Variants in TMEM163 observed in about 807,000 individuals in gnomAD.
TMEM163 encodes the protein transmembrane protein 163.
Under a neutral mutation model 29.3 loss-of-function variants are expected in TMEM163, and 17 were observed. The ratio of observed to expected loss-of-function variants is 0.58; its 90% CI spans 0.40 to 0.87. The LOEUF (loss-of-function observed/expected upper bound fraction) is 0.87. Ranked by LOEUF, TMEM163 falls within the 40% of genes least tolerant of loss-of-function variation. TMEM163 has a pLI of 0.00. For synonymous variants in TMEM163, 157 were observed against 160.6 expected (o/e 0.98, Z 0.17); for missense variants, 303 against 381.5 (o/e 0.79, Z 1.71).
intron 4 of TMEM163, among the ~76,000 whole-genome samples, chr2:134,521,566 G>A (rs1680190070): frequency 6.6e-6 from 1 of 152,136 alleles, no homozygotes; most frequent in Admixed American, 6.5e-5. Flanking sequence ...TCATTTTAGG[G>A]TGTGCCTTTG....
intron 4 of TMEM163, among the ~76,000 whole-genome samples, chr2:134,539,862 A>G (rs1680627387): frequency 6.6e-6 from 1 of 152,204 alleles, no homozygotes; most frequent in Admixed American, 6.5e-5. Context: ...TGAGAAGGGA[A>G]GGAGCTTGCC....
At chr2:134,464,315 AC>A (rs1446831297) in intron 6 of TMEM163, among the ~76,000 whole-genome samples, 1 of 152,098 alleles carries the variant, frequency 6.6e-6, no homozygotes, top group Non-Finnish European at 1.5e-5. Context: ...TTCAGTGTGC[AC>A]CACATAGTCT....
At chr2:134,694,172 C>CT (rs1684532103) in intron 2 of TMEM163, among the ~76,000 whole-genome samples, 1 of 152,076 alleles carries the variant, frequency 6.6e-6, no homozygotes. Flanking sequence ...TATGTGCTTG[C>CT]TAAGTGTTAG....
intron 2 of TMEM163, among the ~76,000 whole-genome samples, chr2:134,708,128 C>G (rs1558999848): frequency 6.6e-6 from 1 of 152,152 alleles, no homozygotes; most frequent in African/African-American, 2.4e-5. Context: ...TTCAAATGAT[C>G]CACCTGCCTC....
intron 1 of TMEM163, among the ~76,000 whole-genome samples, chr2:134,718,525 T>C (rs556248300): frequency 1.3e-5 from 2 of 152,258 alleles, no homozygotes; most frequent in Admixed American, 1.3e-4. Context: ...GGTCTGGGCT[T>C]CGAGGGAAGG....
At chr2:134,628,920 C>T (rs1219399217) in intron 2 of TMEM163, among the ~76,000 whole-genome samples, 2 of 152,166 alleles carry the variant, frequency 1.3e-5, no homozygotes, top group African/African-American at 4.8e-5. Flanking sequence ...TATCATGGCA[C>T]AGGGTATAGC....
intron 4 of TMEM163, among the ~76,000 whole-genome samples, chr2:134,518,724 C>G (rs1415967717): frequency 6.6e-6 from 1 of 152,090 alleles, no homozygotes; most frequent in Non-Finnish European, 1.5e-5. Flanking sequence ...CAGAAGTGAC[C>G]ACGATATCTC....
Position 134,493,362 on chromosome 2 carries a change from C to CTTTTTTTTTTTTTTTTT in TMEM163, c.555+9522_555+9538dup, listed in dbSNP as rs1159013721. ...GACTTATGGTTCAAGCTTTTGGTGT[C>CTTTTTTTTTTTTTTTTT]TTTTTTTTTTTTTTTTTTTTTTTTT... On this transcript the variant is annotated intron_variant, in intron 5 of 7. Transcript: ENST00000281924. Among the ~76,000 whole-genome samples the CTTTTTTTTTTTTTTTTT allele has an allele frequency of 1.8e-4, 9 of 49,828 alleles. 3 individuals are homozygous for CTTTTTTTTTTTTTTTTT. Among genetic ancestry groups the CTTTTTTTTTTTTTTTTT allele is most frequent in the African/African-American group, 7.1e-4 (8 of 11,210 alleles). The allele number at this position is 49,828 out of a possible 152,430, so 32.7% of individuals were successfully genotyped here.
intron 2 of TMEM163, among the ~76,000 whole-genome samples, chr2:134,620,410 T>C (rs1215374862): frequency 6.6e-6 from 1 of 152,130 alleles, no homozygotes; most frequent in Admixed American, 6.5e-5. Flanking sequence ...GCATGCGCCA[T>C]GACCCCGGCT....
chr2:134,630,233 C>T (rs1682936305), intron 2 of TMEM163, among the ~76,000 whole-genome samples: 1 of 151,882 alleles, frequency 6.6e-6, no homozygotes, highest in Admixed American at 6.6e-5. Flanking sequence ...AAAATATACA[C>T]AAGAACCCAA....
intron 2 of TMEM163, among the ~76,000 whole-genome samples, chr2:134,636,848 T>C (rs1442660289): frequency 6.6e-6 from 1 of 152,208 alleles, no homozygotes. Context: ...TCCAAATCAA[T>C]AAACTGGCTC....
Position 134,460,539 on chromosome 2 carries a change from G to A in TMEM163, c.668-2366C>T, listed in dbSNP as rs746396803. Among the ~76,000 whole-genome samples the A allele has an allele frequency of 3.9e-4, 60 of 152,210 alleles. No homozygotes were observed. The highest frequency in any genetic ancestry group is 1.3e-3 in the African/African-American group (55 of 41,526). ...GCATTCATCAGGGGTGCAAATGACC[G>A]CTGCATTAACAAGTGACCACACGAA... On this transcript the variant is annotated intron_variant, in intron 6 of 7. Coordinates refer to ENST00000281924, the MANE Select transcript of TMEM163 (RefSeq NM_030923.5). The surrounding 1 kb of genome is among the most constrained non-coding windows in gnomAD (Gnocchi z 4.3).
chr2:134,641,998 T>C (rs1454346187), intron 2 of TMEM163, among the ~76,000 whole-genome samples: 1 of 152,110 alleles, frequency 6.6e-6, no homozygotes, highest in Non-Finnish European at 1.5e-5. Context: ...AGACATTACA[T>C]AACGGTGAAG....
At chr2:134,656,436 C>T (rs909770508) in intron 2 of TMEM163, among the ~76,000 whole-genome samples, 1 of 151,964 alleles carries the variant, frequency 6.6e-6, no homozygotes, top group African/African-American at 2.4e-5. Context: ...CACTGGCCTG[C>T]GCCCACTGTC....
chr2:134,495,632 A>G (rs1679533364), intron 5 of TMEM163, among the ~76,000 whole-genome samples: 1 of 152,198 alleles, frequency 6.6e-6, no homozygotes. Flanking sequence ...AAACTCTGAG[A>G]GGCCATTGCT....
At chr2:134,576,947 C>T (rs755275112) in intron 2 of TMEM163, among the ~76,000 whole-genome samples, 4 of 152,180 alleles carry the variant, frequency 2.6e-5, no homozygotes, top group Admixed American at 6.5e-5. Context: ...CTCATAAACG[C>T]CTTTATGCAT....
Position 134,466,189 on chromosome 2 carries a change from T to C in TMEM163, c.592A>G (p.Ile198Val). Residue 198 changes from isoleucine (I) to valine (V), a missense_variant, in exon 6 of 8, where the codon ATT becomes GTT. By Grantham distance (29) the Ile-to-Val change is conservative. Around this residue, in one of 2 missense-constraint regions of TMEM163, gnomAD observed 203 missense variants for 294.3 expected, o/e 0.69. Coordinates refer to ENST00000281924, the MANE Select transcript of TMEM163 (RefSeq NM_030923.5). ...FLFSVSILSG[I>V]LCSILAVLKF... is the part of the protein sequence containing the mutation. ...AACACGGCCAGGATGCTGCAAAGAA[T>C]CCCACTTAAAATGGAGACACTGAAC... 2 of 1,613,892 alleles carry C rather than the reference T, an allele frequency of 1.2e-6. No homozygotes were observed. Among genetic ancestry groups the C allele is most frequent in the Non-Finnish European group, 8.5e-7 (1 of 1,179,970 alleles).
intron 4 of TMEM163, among the ~76,000 whole-genome samples, chr2:134,517,677 T>G (rs1680104500): frequency 6.6e-6 from 1 of 152,204 alleles, no homozygotes; most frequent in African/African-American, 2.4e-5. Context: ...AGTTTCCTCA[T>G]GTTGAAAGTT....
At chr2:134,512,747 A>T (rs772185198) in intron 4 of TMEM163, among the ~76,000 whole-genome samples, 19 of 152,266 alleles carry the variant, frequency 1.2e-4, no homozygotes, top group African/African-American at 4.6e-4. Flanking sequence ...GGCAGATCAT[A>T]TAAGGTCTTA....
Sources: allele counts gnomAD v4.1 joint callset (sites outside exome capture counted in the v4.1 genomes callset), GRCh38; gene constraint gnomAD v4.1.1; regional missense constraint gnomAD v4.1.1; non-coding constraint Gnocchi (gnomAD v3.1); transcripts MANE v1.5; gene names NCBI Gene and HGNC (gene_info 2026-07-23, HGNC 2026-07-21).